The following SLC28A3 variants were observed in gnomAD, a reference collection of about 807,000 sequenced individuals.
The protein encoded by SLC28A3 is solute carrier family 28 member 3.
A neutral mutation model predicts 84.2 loss-of-function variants in SLC28A3; 68 were observed. The ratio of observed to expected loss-of-function variants is 0.81; its 90% CI spans 0.66 to 0.99. The LOEUF is 0.99. SLC28A3 is among the 50% of genes least tolerant of loss of function. The pLI is 0.00. For synonymous variants in SLC28A3, 267 were observed against 303.6 expected (o/e 0.88, Z 1.25); for missense variants, 712 against 841.5 (o/e 0.85, Z 1.90).
At chr9:84,343,362 T>A (rs1827201405), upstream of SLC28A3, among the ~76,000 whole-genome samples, 1 of 152,162 alleles carries the variant, frequency 6.6e-6, no homozygotes, top group Non-Finnish European at 1.5e-5. Context: ...TGAGGCCCAG[T>A]CTCTCTGGGC....
At chr9:84,347,105 G>A in the SLC28A3 span, among the ~76,000 whole-genome samples, 4 of 150,202 alleles carry the variant, frequency 2.7e-5, no homozygotes, top group Non-Finnish European at 5.9e-5. Flanking sequence ...GAACCCAGGA[G>A]CACAGTTGCA....
chr9:84,336,397 A>C (rs1199522952), intron 1 of SLC28A3, among the ~76,000 whole-genome samples: 1 of 152,192 alleles, frequency 6.6e-6, no homozygotes, highest in Non-Finnish European at 1.5e-5. Context: ...TCAGCTACTC[A>C]GGAGGCTGAG....
chr9:84,289,629 A>C (rs537186948), intron 11 of SLC28A3, among the ~76,000 whole-genome samples: 1 of 152,366 alleles, frequency 6.6e-6, no homozygotes, highest in Non-Finnish European at 1.5e-5. Context: ...TTTGAGAATC[A>C]CTGCTCTAGA....
rs756016096 is a variant in SLC28A3, at chr9:84,290,287, C to A, written c.1024-8G>T. 4 of 1,613,298 alleles carry A rather than the reference C, an allele frequency of 2.5e-6. No homozygotes were observed. Among genetic ancestry groups the A allele is most frequent in the Admixed American group, 1.7e-5 (1 of 59,874 alleles). On this transcript the variant is annotated splice_polypyrimidine_tract_variant and splice_region_variant and intron_variant, in intron 10 of 17. Transcript: ENST00000376238. ...CAGCAGTGGAGACTCCGTCTGGAGACAAAGAAGGGTGACCAGATTCCTTTT... is the reference window on the plus strand; with the variant it reads ...CAGCAGTGGAGACTCCGTCTGGAGAAAAAGAAGGGTGACCAGATTCCTTTT...
At chr9:84,309,547 A>G (rs1252070688) in intron 3 of SLC28A3, 82 bp downstream of exon 3, 5 of 790,082 alleles carry the variant, frequency 6.3e-6, no homozygotes, top group Admixed American at 5.9e-5. Context: ...AAAAAAAAAA[A>G]AGAAATCAAA....
At chr9:84,313,887 A>G (rs1826077733) in intron 1 of SLC28A3, among the ~76,000 whole-genome samples, 1 of 150,572 alleles carries the variant, frequency 6.6e-6, no homozygotes, top group African/African-American at 2.5e-5. Flanking sequence ...AAAAAAGAAA[A>G]GAAAAGAAAG....
chr9:84,290,070 T>C, intron 11 of SLC28A3, 84 bp downstream of exon 11: 1 of 1,547,350 alleles, frequency 6.5e-7, no homozygotes, highest in Non-Finnish European at 8.7e-7. Flanking sequence ...GGCCTCCTTT[T>C]TCCACCAGCA....
At chr9:84,355,438 G>A in the SLC28A3 span, among the ~76,000 whole-genome samples, 1 of 152,002 alleles carries the variant, frequency 6.6e-6, no homozygotes, top group African/African-American at 2.4e-5. Context: ...ACCATGTCTT[G>A]GGGGAAAAAA....
chr9:84,331,434 C>T (rs141184156), intron 1 of SLC28A3, among the ~76,000 whole-genome samples: 8 of 152,320 alleles, frequency 5.3e-5, no homozygotes, highest in African/African-American at 1.2e-4. Flanking sequence ...GACAAGAAGT[C>T]TACACCTGTA....
At chr9:84,320,040 GTTTTTTTTTTT>G (rs1182939298) in intron 1 of SLC28A3, among the ~76,000 whole-genome samples, 2 of 59,610 alleles carry the variant, frequency 3.4e-5, no homozygotes, top group African/African-American at 9.8e-5. Context: ...GGCTTGCACT[GTTTTTTTTTTT>G]TTTTTTTTTT....
intron 1 of SLC28A3, among the ~76,000 whole-genome samples, chr9:84,314,603 AAG>A (rs869083191): frequency 1.4e-5 from 2 of 145,962 alleles, no homozygotes; most frequent in Non-Finnish European, 3.0e-5. Context: ...CATGAAAAAA[AAG>A]TTACAGTACA....
intron 1 of SLC28A3, among the ~76,000 whole-genome samples, chr9:84,326,549 G>T (rs1826556345): frequency 1.3e-5 from 2 of 152,092 alleles, no homozygotes; most frequent in Admixed American, 1.3e-4. Context: ...AAAGCCTGTG[G>T]CTTCATGGCT....
chr9:84,353,558 A>G, the SLC28A3 span, among the ~76,000 whole-genome samples: 2 of 152,146 alleles, frequency 1.3e-5, no homozygotes, highest in Non-Finnish European at 2.9e-5. Context: ...AAAAATACAA[A>G]AATTAGCCAG....
At chr9:84,315,768 C>T (rs1019702900) in intron 1 of SLC28A3, among the ~76,000 whole-genome samples, 1 of 152,152 alleles carries the variant, frequency 6.6e-6, no homozygotes. Context: ...AACTGTCTTT[C>T]TTCTTCTTTT....
chr9:84,286,487 A>G (rs1287421546), intron 12 of SLC28A3, among the ~76,000 whole-genome samples: 1 of 136,906 alleles, frequency 7.3e-6, no homozygotes. Flanking sequence ...GGGTCATGCT[A>G]CATGGCACAG....
At chr9:84,321,117 A>G (rs1306384915) in intron 1 of SLC28A3, among the ~76,000 whole-genome samples, 4 of 152,170 alleles carry the variant, frequency 2.6e-5, no homozygotes, top group African/African-American at 4.8e-5. Flanking sequence ...TGAAGTTCTA[A>G]AGATGTGACC....
chr9:84,351,691 TA>T, the SLC28A3 span, among the ~76,000 whole-genome samples: 235 of 141,670 alleles, frequency 1.7e-3, no homozygotes, highest in South Asian at 3.4e-3. Flanking sequence ...TAAATTAAAT[TA>T]AAAAAAAAAA....
At chr9:84,290,014 C>G in intron 11 of SLC28A3, 140 bp downstream of exon 11, 1 of 1,102,858 alleles carries the variant, frequency 9.1e-7, no homozygotes, top group African/African-American at 1.6e-5. Flanking sequence ...AATGCCAAAG[C>G]AACTGTGACC....
intron 1 of SLC28A3, among the ~76,000 whole-genome samples, chr9:84,320,748 C>T (rs1435558190): frequency 2.0e-5 from 3 of 151,762 alleles, no homozygotes; most frequent in Admixed American, 6.6e-5. Context: ...CTAGCACTTT[C>T]GGAGGCCGAG....
Sources: gnomAD v4.1 joint callset for allele counts (sites outside exome capture counted in the v4.1 genomes callset) on GRCh38, gnomAD v4.1.1 for gene constraint, MANE v1.5 for transcripts, NCBI Gene and HGNC (gene_info 2026-07-23, HGNC 2026-07-21) for gene names.